Variants in KAT6B observed in about 807,000 individuals in gnomAD.
KAT6B encodes histone acetyltransferase KAT6B.
A neutral mutation model predicts 187.5 loss-of-function variants in KAT6B; 10 were observed. The ratio of observed to expected loss-of-function variants is 0.05; its 90% confidence interval spans 0.03 to 0.09. KAT6B has a LOEUF of 0.09. Ranked by LOEUF, KAT6B falls within the 10% of genes least tolerant of loss-of-function variation. The pLI is 1.00. For synonymous variants in KAT6B, 861 were observed against 926.8 expected, an observed-to-expected ratio of 0.93 and a Z score of 1.29; for missense variants, 1,952 against 2,558.9, an observed-to-expected ratio of 0.76 and a Z score of 5.12.
At chr10:74,880,588 A>C (rs188699290) in intron 3 of KAT6B, among the ~76,000 whole-genome samples, 284 of 152,216 alleles carry the variant, frequency 1.9e-3, no homozygotes, top group African/African-American at 5.4e-3. Context: ...TATACCTAGC[A>C]GTGGAATTGC....
At chr10:74,915,666 A>C (rs1847620641) in intron 3 of KAT6B, among the ~76,000 whole-genome samples, 2 of 152,220 alleles carry the variant, frequency 1.3e-5, no homozygotes. Flanking sequence ...AGAATGAAAG[A>C]GTGCTTCCAT....
chr10:74,863,362 CTT>C (rs1469098139), intron 3 of KAT6B, among the ~76,000 whole-genome samples: 1 of 152,074 alleles, frequency 6.6e-6, no homozygotes, highest in Non-Finnish European at 1.5e-5. Context: ...GTATTTATGT[CTT>C]TATCCTTCAA....
intron 3 of KAT6B, among the ~76,000 whole-genome samples, chr10:74,914,492 A>G (rs1265367084): frequency 6.6e-6 from 1 of 152,180 alleles, no homozygotes; most frequent in Non-Finnish European, 1.5e-5. Flanking sequence ...ATCACATTTA[A>G]TTCTTATTTA....
chr10:74,929,197 T>C (rs1282701718), intron 3 of KAT6B, among the ~76,000 whole-genome samples: 1 of 152,322 alleles, frequency 6.6e-6, no homozygotes, highest in Admixed American at 6.5e-5. Context: ...ACTATTTATC[T>C]TGAATGAAAT....
intron 3 of KAT6B, among the ~76,000 whole-genome samples, chr10:74,922,369 G>T (rs778003177): frequency 9.2e-5 from 14 of 152,242 alleles, no homozygotes; most frequent in Non-Finnish European, 1.6e-4. Flanking sequence ...TTTAGGAAGT[G>T]CCCTCCAGGA....
At chr10:74,825,884 C>G (rs1470899811), upstream of KAT6B, among the ~76,000 whole-genome samples, 1 of 129,056 alleles carries the variant, frequency 7.7e-6, no homozygotes, top group Non-Finnish European at 1.6e-5. This position sits in a 1 kb window ranked among gnomAD's most constrained non-coding sequence, Gnocchi z 5.0. Context: ...GGGAAGGATG[C>G]GAGCCAGGGG....
intron 3 of KAT6B, among the ~76,000 whole-genome samples, chr10:74,947,301 AAAAC>A (rs1840020178): frequency 6.6e-6 from 1 of 152,356 alleles, no homozygotes; most frequent in African/African-American, 2.4e-5. Flanking sequence ...TGAAAAAACA[AAAAC>A]AAACAAACTA....
At chr10:74,976,994 GAATGCTAT>G in intron 8 of KAT6B, 1 of 304,114 alleles carries the variant, frequency 3.3e-6, no homozygotes, top group Non-Finnish European at 6.3e-6. Context: ...GTGATAATGG[GAATGCTAT>G]AACTAGACAT....
chr10:75,005,736 C>G (rs1247472550), intron 13 of KAT6B, among the ~76,000 whole-genome samples: 4 of 152,074 alleles, frequency 2.6e-5, no homozygotes, highest in Non-Finnish European at 5.9e-5. Flanking sequence ...TGTTTGTACT[C>G]TAATATTCAT....
intron 3 of KAT6B, among the ~76,000 whole-genome samples, chr10:74,880,877 A>G (rs891097281): frequency 3.3e-5 from 5 of 151,538 alleles, no homozygotes; most frequent in African/African-American, 1.2e-4. Flanking sequence ...TGGCCTCCCA[A>G]AGTGTTGGGA....
At chr10:74,854,844 T>C (rs563238883) in intron 3 of KAT6B, among the ~76,000 whole-genome samples, 2 of 152,348 alleles carry the variant, frequency 1.3e-5, no homozygotes, top group East Asian at 1.9e-4. Flanking sequence ...ACAGAAACCA[T>C]GCTGGGCCTT....
upstream of KAT6B, among the ~76,000 whole-genome samples, chr10:74,825,973 C>A: frequency 6.6e-6 from 1 of 150,904 alleles, no homozygotes; most frequent in Non-Finnish European, 1.5e-5. The surrounding 1 kb of genome is among the most constrained non-coding windows in gnomAD (Gnocchi z 5.0). Flanking sequence ...CTCCGGGCGG[C>A]GCGCCCGTCC....
intron 13 of KAT6B, among the ~76,000 whole-genome samples, chr10:75,002,035 T>C (rs1843872337): frequency 6.6e-6 from 1 of 152,084 alleles, no homozygotes; most frequent in Non-Finnish European, 1.5e-5. Flanking sequence ...GTGGTCAGCT[T>C]AGGGCTGTGC....
intron 3 of KAT6B, among the ~76,000 whole-genome samples, chr10:74,858,632 A>C (rs1220069551): frequency 6.6e-6 from 1 of 152,060 alleles, no homozygotes; most frequent in African/African-American, 2.4e-5. Flanking sequence ...CTTTCATTTA[A>C]ATGCCCACAG....
intron 6 of KAT6B, 59 bp downstream of exon 6, chr10:74,970,160 G>A: frequency 7.7e-7 from 1 of 1,297,296 alleles, no homozygotes; most frequent in South Asian, 1.2e-5. Context: ...GCTTTGTCCT[G>A]AGGTCTGACA....
intron 3 of KAT6B, among the ~76,000 whole-genome samples, chr10:74,862,682 G>A (rs1256794347): frequency 6.6e-6 from 1 of 152,170 alleles, no homozygotes; most frequent in Admixed American, 6.5e-5. Flanking sequence ...AAGGAGTCTT[G>A]TGGGGAAGTG....
At chr10:74,932,841 C>T (rs887529207) in intron 3 of KAT6B, among the ~76,000 whole-genome samples, 4 of 152,160 alleles carry the variant, frequency 2.6e-5, no homozygotes, top group Admixed American at 6.5e-5. Flanking sequence ...CTCCTGGATC[C>T]GTGCCACTGC....
chr10:74,985,842 A>G (rs545616853), intron 12 of KAT6B, among the ~76,000 whole-genome samples: 72 of 152,182 alleles, frequency 4.7e-4, no homozygotes, highest in Non-Finnish European at 8.4e-4. Context: ...GTCGAGAGAT[A>G]GAGACCATCC....
At position 75,028,589 on chromosome 10, in the gene KAT6B, T is replaced by C. The variant is rs1354274550; in HGVS notation, c.3765T>C (p.Gly1255=). 1.9e-6 allele frequency: 3 copies of C among 1,614,080 alleles called. No homozygotes were observed. The highest frequency in any genetic ancestry group is 2.5e-6 in the Non-Finnish European group (3 of 1,180,022). Reference sequence around the variant, plus strand: ...TGTGGCCAAAAGGAACAAAGCGCGGTCTATCTAAGTGGAGGCAAAACAAAG... The same window carrying C: ...TGTGGCCAAAAGGAACAAAGCGCGGCCTATCTAAGTGGAGGCAAAACAAAG... ...KQVWPKGTKR[G]LSKWRQNKER... Residue 1255 remains glycine, a synonymous_variant, in exon 18 of 18, where the codon GGT becomes GGC. Coordinates refer to ENST00000287239, the MANE Select transcript of KAT6B (RefSeq NM_012330.4).
Sources: allele counts gnomAD v4.1 joint callset (sites outside exome capture counted in the v4.1 genomes callset), GRCh38; gene constraint gnomAD v4.1.1; non-coding constraint Gnocchi (gnomAD v3.1); transcripts MANE v1.5; gene names NCBI Gene and HGNC (gene_info 2026-07-23, HGNC 2026-07-21).